The following ZNF483 variants were observed in gnomAD, a reference collection of about 807,000 sequenced individuals.
The protein encoded by ZNF483 is zinc finger protein HIT-10.
A neutral mutation model predicts 28.6 loss-of-function variants in ZNF483; 9 were observed. That is an observed-to-expected ratio of 0.32 (90% CI 0.19 to 0.55). ZNF483 has a LOEUF of 0.55. Ranked by LOEUF, ZNF483 falls within the 20% of genes least tolerant of loss-of-function variation. The pLI is 0.93. For synonymous variants in ZNF483, 322 were observed against 306.2 expected (o/e 1.05, Z -0.54); for missense variants, 675 against 871.7 (o/e 0.77, Z 2.84).
downstream of ZNF483, among the ~76,000 whole-genome samples, chr9:111,555,419 G>A (rs189766880): frequency 6.6e-6 from 1 of 152,210 alleles, no homozygotes; most frequent in East Asian, 1.9e-4. Flanking sequence ...TACCCCATCA[G>A]AAGGCCGTTG....
Position 111,549,646 on chromosome 9 carries a change from G to T in ZNF483, c.*6476G>T. On this transcript the variant is annotated 3_prime_UTR_variant, in exon 6 of 6. Coordinates refer to ENST00000309235, the MANE Select transcript of ZNF483 (RefSeq NM_133464.5). The stretch of plus-strand genomic sequence containing the variant: ...CTTCTGGGGCAGCGGTCGTGGTGGT[G>T]GTGGCAGCGGCAGCAGGGTTCCCCA... The T allele has an allele frequency of 7.8e-7, 1 of 1,276,556 alleles. No individual in the cohort carries two copies. The allele number at this position is 1,276,556 out of a possible 1,614,324, so 79.1% of individuals were successfully genotyped here. A position where few individuals can be genotyped will look rare whatever the true frequency, so the allele number is the denominator to read the frequency against.
At chr9:111,555,932 G>T (rs1292427474), downstream of ZNF483, among the ~76,000 whole-genome samples, 1 of 152,142 alleles carries the variant, frequency 6.6e-6, no homozygotes, top group Non-Finnish European at 1.5e-5. Context: ...GTCCCTTAAA[G>T]TCTTAACTCA....
Position 111,530,926 on chromosome 9 carries a change from A to T in ZNF483, c.464A>T (p.Asp155Val). 1 of 1,559,796 alleles carries T rather than the reference A, an allele frequency of 6.4e-7. No homozygotes were observed. The highest frequency in any genetic ancestry group is 8.7e-7 in the Non-Finnish European group (1 of 1,144,502). The change falls in exon 3 of 6, where the codon GAT becomes GTT. Residue 155 changes from aspartate (D) to valine (V), a missense_variant. Physicochemically the swap from Asp to Val is radical, Grantham distance 152. Coordinates refer to ENST00000309235, the MANE Select transcript of ZNF483 (RefSeq NM_133464.5). ...TCCCAAGAGGAGAACTCAAAAGAGG[A>T]TAAAATGGTCACTGTTTGTCCCAAT... is the stretch of plus-strand genomic sequence containing the variant. Reference protein sequence around the residue: ...TVSQEENSKEDKMVTVCPNTE... With the variant: ...TVSQEENSKEVKMVTVCPNTE...
At chr9:111,534,702 TA>T (rs1827437454) in intron 5 of ZNF483, among the ~76,000 whole-genome samples, 1 of 146,962 alleles carries the variant, frequency 6.8e-6, no homozygotes, top group Admixed American at 6.8e-5. Flanking sequence ...AGTCTTAGAC[TA>T]AAGTGTCGTT....
chr9:111,561,819 G>A (rs1383954912), intron 5 of ZNF483, among the ~76,000 whole-genome samples: 2 of 151,892 alleles, frequency 1.3e-5, no homozygotes, highest in Non-Finnish European at 1.5e-5. Flanking sequence ...CACTGATATC[G>A]GCAGGGAGGT....
At chr9:111,565,503 CCTATAAATCTAAAA>C (rs758889241) in intron 5 of ZNF483, among the ~76,000 whole-genome samples, 14 of 152,236 alleles carry the variant, frequency 9.2e-5, no homozygotes, top group Non-Finnish European at 1.6e-4. Context: ...TCCCAATTTT[CCTATAAATCTAAAA>C]CTTCTATTTT....
chr9:111,540,664 G>T (rs553417093), intron 5 of ZNF483, among the ~76,000 whole-genome samples: 51 of 152,310 alleles, frequency 3.3e-4, no homozygotes, highest in African/African-American at 1.2e-3. Context: ...AAGGCTGATA[G>T]GGCCAGCTGT....
intron 5 of ZNF483, among the ~76,000 whole-genome samples, chr9:111,562,276 C>CTTT (rs35900341): frequency 6.4e-5 from 9 of 140,490 alleles, no homozygotes; most frequent in Non-Finnish European, 6.2e-5. Context: ...AAGCAGTAAA[C>CTTT]TTTTTTTTTT....
At chr9:111,575,408 G>T (rs564060090) in intron 5 of ZNF483, 1 of 152,212 alleles carries the variant, frequency 6.6e-6, no homozygotes, top group Non-Finnish European at 1.5e-5. Flanking sequence ...TCTCTGATCA[G>T]TCCAATAACC....
In ZNF483 at chr9:111,543,674, G is replaced by T. The variant is rs1490355479; in HGVS notation, c.*504G>T. ...GTATCCTGATAATCTCTGAAGCTGT[G>T]GACATAAGTTATTTTTTTTTATTTG... On this transcript the variant is annotated 3_prime_UTR_variant, in exon 6 of 6. Transcript: ENST00000309235. 2.0e-6 allele frequency: 2 copies of T among 980,326 alleles called. No homozygotes were observed. The highest frequency in any genetic ancestry group is 2.4e-6 in the Non-Finnish European group (2 of 825,988). The allele number at this position is 980,326 out of a possible 1,614,324, so 60.7% of individuals were successfully genotyped here.
chr9:111,560,272 AG>A (rs1828234707), downstream of ZNF483, among the ~76,000 whole-genome samples: 2 of 151,716 alleles, frequency 1.3e-5, no homozygotes, highest in Non-Finnish European at 2.9e-5. Flanking sequence ...CGAGGTCAGG[AG>A]ATCGAGACCA....
intron 5 of ZNF483, among the ~76,000 whole-genome samples, chr9:111,565,096 C>A (rs1427295701): frequency 6.6e-6 from 1 of 152,068 alleles, no homozygotes; most frequent in African/African-American, 2.4e-5. Flanking sequence ...TGCACCCCAG[C>A]CTGGGCAACA....
At chr9:111,534,516 T>C (rs1827432024) in intron 5 of ZNF483, among the ~76,000 whole-genome samples, 163 bp downstream of exon 5, 1 of 152,070 alleles carries the variant, frequency 6.6e-6, no homozygotes, top group Non-Finnish European at 1.5e-5. Context: ...GAGACTTGGT[T>C]TGGGTCCTCT....
chr9:111,535,548 T>G (rs947547513), intron 5 of ZNF483, among the ~76,000 whole-genome samples: 3 of 152,198 alleles, frequency 2.0e-5, no homozygotes, highest in Non-Finnish European at 4.4e-5. Flanking sequence ...GAATTAGGTT[T>G]TGTTTTGTTT....
At position 111,542,091 on chromosome 9, in the gene ZNF483, G is replaced by A; in HGVS notation, c.1156G>A (p.Gly386Arg). 6.2e-7 allele frequency: 1 copy of A among 1,614,036 alleles called. No individual in the cohort carries two copies. The highest frequency in any genetic ancestry group is 8.5e-7 in the Non-Finnish European group (1 of 1,180,014). ...EHQKRQKIHL[G>R]DRSQKCSKCG... ...TCAGAAACGTCAGAAGATTCATTTGGGGGATAGGTCCCAAAAATGCAGTAA... is the reference window on the plus strand; with the variant it reads ...TCAGAAACGTCAGAAGATTCATTTGAGGGATAGGTCCCAAAAATGCAGTAA... Residue 386 changes from glycine to arginine, a missense_variant, in exon 6 of 6, where the codon GGG becomes AGG. Around this residue, in one of 6 missense-constraint regions of ZNF483, gnomAD observed 525 missense variants for 581.8 expected, o/e 0.90. Transcript: ENST00000309235. The surrounding 1 kb of genome is among the most constrained non-coding windows in gnomAD (Gnocchi z 6.2).
intron 5 of ZNF483, among the ~76,000 whole-genome samples, chr9:111,536,822 ATATGT>A (rs1234180047): frequency 1.1e-4 from 16 of 152,166 alleles, no homozygotes; most frequent in African/African-American, 2.9e-4. Flanking sequence ...ACATAATTAC[ATATGT>A]TATGTGTTTT....
chr9:111,535,236 GGT>G (rs1827462161), intron 5 of ZNF483, among the ~76,000 whole-genome samples: 1 of 152,214 alleles, frequency 6.6e-6, no homozygotes, highest in Admixed American at 6.5e-5. Context: ...CGCAGGGGGA[GGT>G]GTGAGTGGTG....
rs2132254283 is a variant in ZNF483, at chr9:111,540,967, T to C, written c.722-690T>C. Among the ~76,000 whole-genome samples, 2 of 152,338 alleles carry C rather than the reference T, an allele frequency of 1.3e-5. 1 individual carries two copies. Among genetic ancestry groups the C allele is most frequent in the South Asian group, 4.1e-4 (2 of 4,830 alleles). On this transcript the variant is annotated intron_variant, in intron 5 of 5. Coordinates refer to ENST00000309235, the MANE Select transcript of ZNF483 (RefSeq NM_133464.5). ...TGTGAAGATTAAATGCAGTGTATTG[T>C]ACTTACTTGTATTACACCGTGCTTG...
At chr9:111,528,563 C>T (rs887765842) in intron 2 of ZNF483, among the ~76,000 whole-genome samples, 6 of 151,820 alleles carry the variant, frequency 4.0e-5, no homozygotes, top group African/African-American at 1.5e-4. Context: ...TTTATGTTCT[C>T]AAATATGATA....
Sources: allele counts gnomAD v4.1 joint callset (sites outside exome capture counted in the v4.1 genomes callset), GRCh38; gene constraint gnomAD v4.1.1; regional missense constraint gnomAD v4.1.1; non-coding constraint Gnocchi (gnomAD v3.1); transcripts MANE v1.5; gene names NCBI Gene and HGNC (gene_info 2026-07-23, HGNC 2026-07-21).